The following PRKN variants were observed in gnomAD, a reference collection of about 807,000 sequenced individuals.
PRKN encodes the protein parkin RBR E3 ubiquitin protein ligase.
A neutral mutation model predicts 59.5 loss-of-function variants in PRKN; 56 were observed. The ratio of observed to expected loss-of-function variants is 0.94; its 90% CI spans 0.76 to 1.18. The LOEUF (loss-of-function observed/expected upper bound fraction) is 1.18. Among genes scored for constraint, PRKN ranks in the 50% most tolerant of loss-of-function variants. PRKN has a pLI of 0.00. For missense variants in PRKN, 657 were observed against 596.4 expected (o/e 1.10, Z -1.06); for synonymous variants, 250 against 222.1 (o/e 1.13, Z -1.12).
At chr6:161,706,975 C>T (rs544744935) in intron 7 of PRKN, among the ~76,000 whole-genome samples, 8 of 152,186 alleles carry the variant, frequency 5.3e-5, no homozygotes, top group South Asian at 2.1e-4. Flanking sequence ...TTAGGAAAAG[C>T]GATATCGAAA....
At chr6:161,724,955 C>A (rs1787378491) in intron 7 of PRKN, among the ~76,000 whole-genome samples, 1 of 152,168 alleles carries the variant, frequency 6.6e-6, no homozygotes, top group Admixed American at 6.5e-5. Context: ...CTCATAAGAT[C>A]TGGTTATTTC....
chr6:162,442,095 CACA>C (rs1790083428), intron 2 of PRKN, among the ~76,000 whole-genome samples: 1 of 152,158 alleles, frequency 6.6e-6, no homozygotes, highest in Non-Finnish European at 1.5e-5. Context: ...GCAGTTTGTG[CACA>C]ACGAGTATGT....
Position 162,470,592 on chromosome 6 carries a change from A to T in PRKN, c.8-27119T>A, listed in dbSNP as rs1791682258. 2.6e-5 allele frequency among the ~76,000 whole-genome samples: 3 copies of T among 113,670 alleles called. No individual in the cohort carries two copies. In the South Asian group the frequency reaches 7.3e-4, roughly 28 times the overall value. 74.6% of individuals were successfully genotyped at this position (113,670 alleles called of 152,430 possible). A position where few individuals can be genotyped will look rare whatever the true frequency, so the allele number is the denominator to read the frequency against. On this transcript the variant is annotated intron_variant, in intron 1 of 11. Coordinates refer to ENST00000366898, the MANE Select transcript of PRKN (RefSeq NM_004562.3). ...GGCAACACTGCGAAACTCTGTCTCA[A>T]AAAAAAGTATGCTTGTGAAGCATAC...
chr6:161,900,876 CATAATAT>C (rs1302652814), intron 6 of PRKN, among the ~76,000 whole-genome samples: 4 of 135,884 alleles, frequency 2.9e-5, no homozygotes, highest in Non-Finnish European at 6.1e-5. Context: ...ATATACAATA[CATAATAT>C]ATATTATATA....
intron 4 of PRKN, among the ~76,000 whole-genome samples, chr6:162,147,477 C>T (rs1159679584): frequency 6.6e-6 from 1 of 151,392 alleles, no homozygotes; most frequent in Non-Finnish European, 1.5e-5. Context: ...ATTCTCATGA[C>T]ATCTGACACA....
intron 1 of PRKN, among the ~76,000 whole-genome samples, chr6:162,683,182 T>C (rs969371773): frequency 1.3e-5 from 2 of 152,178 alleles, no homozygotes; most frequent in Non-Finnish European, 2.9e-5. Context: ...GGGAGGACTT[T>C]ATCTTATTCT....
intron 2 of PRKN, among the ~76,000 whole-genome samples, chr6:162,355,032 CTA>C (rs1784788733): frequency 6.6e-6 from 1 of 151,804 alleles, no homozygotes; most frequent in South Asian, 2.1e-4. Flanking sequence ...TTAAATGGAA[CTA>C]TGTCAGGCTC....
At chr6:161,693,432 A>T (rs1785886712) in intron 7 of PRKN, among the ~76,000 whole-genome samples, 1 of 152,186 alleles carries the variant, frequency 6.6e-6, no homozygotes, top group Non-Finnish European at 1.5e-5. Flanking sequence ...AAGGAATGAA[A>T]GTTGGCAAGT....
At chr6:161,522,174 C>T (rs1440903744) in intron 9 of PRKN, among the ~76,000 whole-genome samples, 1 of 152,140 alleles carries the variant, frequency 6.6e-6, no homozygotes, top group African/African-American at 2.4e-5. Flanking sequence ...CTCCCCAGCA[C>T]GTTAAAAAAA....
intron 1 of PRKN, among the ~76,000 whole-genome samples, chr6:162,563,595 C>T (rs943657257): frequency 2.0e-5 from 3 of 152,172 alleles, no homozygotes; most frequent in Admixed American, 6.5e-5. Flanking sequence ...CCCAACTCTT[C>T]AATGCCCAGA....
At chr6:161,772,121 T>C (rs979922521) in intron 7 of PRKN, among the ~76,000 whole-genome samples, 16 of 152,224 alleles carry the variant, frequency 1.1e-4, no homozygotes, top group Admixed American at 7.9e-4. Context: ...TGGGTGATGA[T>C]GATGGCGGTA....
chr6:162,710,512 T>G (rs960269492), intron 1 of PRKN, among the ~76,000 whole-genome samples: 5 of 152,026 alleles, frequency 3.3e-5, no homozygotes, highest in Admixed American at 2.0e-4. Context: ...TGAACTCTAC[T>G]AATGGGGTTT....
At chr6:161,971,874 G>C (rs1780821733) in intron 6 of PRKN, among the ~76,000 whole-genome samples, 1 of 152,210 alleles carries the variant, frequency 6.6e-6, no homozygotes, top group Non-Finnish European at 1.5e-5. Context: ...AAGCCAGAGA[G>C]AGACAACACT....
intron 3 of PRKN, among the ~76,000 whole-genome samples, chr6:162,223,127 C>T (rs1423132961): frequency 3.3e-5 from 5 of 150,844 alleles, no homozygotes; most frequent in African/African-American, 7.3e-5. Flanking sequence ...TTTGTCCTTG[C>T]GATAGTTTAC....
chr6:161,845,223 T>C (rs2128221365), intron 6 of PRKN, among the ~76,000 whole-genome samples: 1 of 152,318 alleles, frequency 6.6e-6, no homozygotes, highest in East Asian at 1.9e-4. Flanking sequence ...CACCAGTAGA[T>C]GCCCAGGACA....
intron 7 of PRKN, among the ~76,000 whole-genome samples, chr6:161,620,783 T>TA (rs1191657585): frequency 1.3e-5 from 2 of 152,204 alleles, no homozygotes; most frequent in Non-Finnish European, 2.9e-5. Context: ...TCATCTATGT[T>TA]AAAAAACCTT....
chr6:162,237,159 A>G (rs1329061829), intron 3 of PRKN, among the ~76,000 whole-genome samples: 4 of 152,184 alleles, frequency 2.6e-5, no homozygotes, highest in Non-Finnish European at 2.9e-5. Context: ...AGGTTAGAAT[A>G]GTTCTGGTGG....
chr6:162,110,832 C>A (rs1372280323), intron 4 of PRKN, among the ~76,000 whole-genome samples: 2 of 152,084 alleles, frequency 1.3e-5, no homozygotes, highest in Non-Finnish European at 2.9e-5. Context: ...AAGTACACAC[C>A]CTCTAGGAAA....
chr6:162,392,288 A>ACC (rs1787242278), intron 2 of PRKN, among the ~76,000 whole-genome samples: 1 of 152,100 alleles, frequency 6.6e-6, no homozygotes, highest in Non-Finnish European at 1.5e-5. Context: ...CCTCATGGAG[A>ACC]CCACACAGAG....
Sources: allele counts gnomAD v4.1 joint callset (sites outside exome capture counted in the v4.1 genomes callset), GRCh38; gene constraint gnomAD v4.1.1; transcripts MANE v1.5; gene names NCBI Gene and HGNC (gene_info 2026-07-23, HGNC 2026-07-21).